The following GOLGA3 variants were observed in gnomAD, a reference collection of about 807,000 sequenced individuals.
The protein encoded by GOLGA3 is golgin A3.
A neutral mutation model predicts 169.4 loss-of-function variants in GOLGA3; 75 were observed. The ratio of observed to expected loss-of-function variants is 0.44; its 90% confidence interval spans 0.37 to 0.54. The LOEUF (loss-of-function observed/expected upper bound fraction) is 0.54. Among genes scored for constraint, GOLGA3 ranks in the 20% least tolerant of loss-of-function variants. GOLGA3 has a pLI of 0.00. For synonymous variants in GOLGA3, 824 were observed against 822.4 expected (o/e 1.00, Z -0.03); for missense variants, 1,899 against 1,930.0 (o/e 0.98, Z 0.30).
chr12:132,825,240 C>T (rs1017913983), intron 1 of GOLGA3, among the ~76,000 whole-genome samples: 3 of 151,924 alleles, frequency 2.0e-5, no homozygotes, highest in Non-Finnish European at 2.9e-5. Context: ...AAGGAACCGA[C>T]GGTGTGTGCC....
At position 132,798,343 on chromosome 12, in the gene GOLGA3, A is replaced by G. The variant is rs773176812; in HGVS notation, c.1935T>C (p.Ile645=). The G allele has an allele frequency of 3.1e-6, 5 of 1,607,718 alleles. No individual in the cohort carries two copies. The highest frequency in any genetic ancestry group is 8.5e-7 in the Non-Finnish European group (1 of 1,178,380). ...KGRIAAQLQG[I]EADMLDQEAA... Reference sequence around the variant, plus strand: ...ACGGCCCCGGCCGCAGCCTCACCTCAATGCCCTGCAGCTGTGCCGCGATGC... The same window carrying G: ...ACGGCCCCGGCCGCAGCCTCACCTCGATGCCCTGCAGCTGTGCCGCGATGC... Residue 645 remains isoleucine, a synonymous_variant, in exon 9 of 24, where the codon ATT becomes ATC. Transcript: ENST00000450791.
At chr12:132,775,930 G>C (rs1292698080) in intron 21 of GOLGA3, among the ~76,000 whole-genome samples, 1 of 152,262 alleles carries the variant, frequency 6.6e-6, no homozygotes, top group Non-Finnish European at 1.5e-5. Context: ...ATGAAATCAC[G>C]TTCTTGGTCC....
At chr12:132,791,715 C>T (rs1190768683) in intron 11 of GOLGA3, among the ~76,000 whole-genome samples, 1 of 120,770 alleles carries the variant, frequency 8.3e-6, no homozygotes, top group Non-Finnish European at 1.8e-5. Context: ...AGCAGGGGGA[C>T]ACATCTACAC....
Position 132,772,557 on chromosome 12 carries a change from A to AAAAC in GOLGA3, c.*547_*548insGTTT, listed in dbSNP as rs2044954053. ...AGACTCTGTCTCAAAAAAAAAAAAA[A>AAAAC]AAAAAAAACAAAGATTGGATTATGA... On this transcript the variant is annotated 3_prime_UTR_variant, in exon 24 of 24. Transcript: ENST00000450791. 1 of 151,860 alleles carries AAAAC rather than the reference A, an allele frequency of 6.6e-6. No homozygotes were observed. The highest frequency in any genetic ancestry group is 1.5e-5 in the Non-Finnish European group (1 of 67,984). The allele number at this position is 151,860 out of a possible 1,614,324, so 9.4% of individuals were successfully genotyped here.
Position 132,777,889 on chromosome 12 carries a change from T to C in GOLGA3, c.3583-84A>G. 4 of 1,431,528 alleles carry C rather than the reference T, an allele frequency of 2.8e-6. No homozygotes were observed. The highest frequency in any genetic ancestry group is 2.3e-5 in the East Asian group (1 of 42,830). 88.7% of individuals were successfully genotyped at this position (1,431,528 alleles called of 1,614,324 possible). ...TGCCGGGCGCAGGGGGTGAATGCAC[T>C]CCCGGCCCCGTGCATGTCCTGGCTG... is the stretch of plus-strand genomic sequence containing the variant. On this transcript the variant is annotated intron_variant, in intron 18 of 23. Coordinates refer to ENST00000450791, the MANE Select transcript of GOLGA3 (RefSeq NM_001389683.1). This position sits in a 1 kb window ranked among gnomAD's most constrained non-coding sequence, Gnocchi z 4.7.
At position 132,804,726 on chromosome 12, in the gene GOLGA3, C is replaced by T. The variant is rs1267261701; in HGVS notation, c.1587G>A (p.Lys529=). 1.2e-6 allele frequency: 2 copies of T among 1,612,438 alleles called. No individual in the cohort carries two copies. The highest frequency in any genetic ancestry group is 2.7e-5 in the African/African-American group (2 of 75,048). ...CAGGGCCAGCCTCACCTGTGTTGTC[C>T]TTGCTGAGCATGCTCCTCTGCATGT... is the stretch of plus-strand genomic sequence containing the variant. ...VEDMQRSMLS[K]DNTVHDLRQQ... The change falls in exon 7 of 24, where the codon AAG becomes AAA. Residue 529 remains lysine, a synonymous_variant. Transcript: ENST00000450791. The surrounding 1 kb of genome is among the most constrained non-coding windows in gnomAD (Gnocchi z 4.1).
intron 2 of GOLGA3, among the ~76,000 whole-genome samples, chr12:132,821,079 G>A (rs537097654): frequency 1.7e-4 from 18 of 105,990 alleles, no homozygotes; most frequent in South Asian, 1.1e-3. Context: ...CAGCCTGGGC[G>A]ACAGAACAGG....
At chr12:132,809,857 C>T (rs1161681009) in intron 4 of GOLGA3, among the ~76,000 whole-genome samples, 1 of 152,138 alleles carries the variant, frequency 6.6e-6, no homozygotes, top group Non-Finnish European at 1.5e-5. Context: ...TGTCTCTTGC[C>T]TCGGTGCCTG....
chr12:132,775,547 ATTTCCT>A (rs1288170832), intron 21 of GOLGA3, among the ~76,000 whole-genome samples: 11 of 152,126 alleles, frequency 7.2e-5, no homozygotes, highest in Non-Finnish European at 1.2e-4. Flanking sequence ...TCCAATGATC[ATTTCCT>A]TTATCATGTT....
intron 8 of GOLGA3, among the ~76,000 whole-genome samples, chr12:132,799,134 C>A (rs547048199): frequency 6.6e-6 from 1 of 152,184 alleles, no homozygotes; most frequent in Non-Finnish European, 1.5e-5. Context: ...CAGTGCGAGA[C>A]GTGACAGAAG....
intron 11 of GOLGA3, among the ~76,000 whole-genome samples, chr12:132,792,126 G>A (rs1267105149): frequency 2.0e-5 from 3 of 152,216 alleles, no homozygotes; most frequent in Non-Finnish European, 4.4e-5. Flanking sequence ...CTCCAGGAGG[G>A]CACACATCTG....
chr12:132,798,157 C>T (rs1364590528), intron 9 of GOLGA3, among the ~76,000 whole-genome samples, 183 bp downstream of exon 9: 4 of 96,614 alleles, frequency 4.1e-5, no homozygotes, highest in Non-Finnish European at 5.9e-5. Flanking sequence ...ATGCTAAGCC[C>T]CCACAGGTGA....
intron 4 of GOLGA3, among the ~76,000 whole-genome samples, chr12:132,811,392 A>T (rs1220716588): frequency 6.6e-6 from 1 of 152,144 alleles, no homozygotes; most frequent in Non-Finnish European, 1.5e-5. Context: ...CTTATTTCTC[A>T]GTTTATCCTT....
chr12:132,795,912 G>T lies in GOLGA3; in HGVS notation c.2409C>A (p.Thr803=), dbSNP rs773885958. The T allele has an allele frequency of 6.2e-7, 1 of 1,613,992 alleles. No individual in the cohort carries two copies. Among genetic ancestry groups the T allele is most frequent in the Non-Finnish European group, 8.5e-7 (1 of 1,179,986 alleles). The stretch of plus-strand genomic sequence containing the variant: ...TCTCTAAAGTTTCCGACGTTTCCTC[G>T]GTACCTTCTTCCAAGCGTCTTGCTC... The part of the protein sequence containing the change: ...DRGARRLEEG[T]EETSETLEKL... Residue 803 remains threonine, a synonymous_variant, in exon 11 of 24, where the codon ACC becomes ACA. Coordinates refer to ENST00000450791, the MANE Select transcript of GOLGA3 (RefSeq NM_001389683.1).
In GOLGA3 at chr12:132,782,888, A is replaced by G. The variant is rs576830269; in HGVS notation, c.3268-395T>C. Among the ~76,000 whole-genome samples the G allele has an allele frequency of 2.5e-4, 38 of 151,990 alleles. No individual in the cohort carries two copies. The East Asian group carries it at 6.4e-3, about 26-fold the overall frequency. Reference sequence around the variant, plus strand: ...GAGACTCTGTCTCAAAAAAAAAAAAAAAAAGAAAAAGAAAAGAAAAGAAAC... The same window carrying G: ...GAGACTCTGTCTCAAAAAAAAAAAAGAAAAGAAAAAGAAAAGAAAAGAAAC... On this transcript the variant is annotated intron_variant, in intron 16 of 23. Transcript: ENST00000450791.
intron 8 of GOLGA3, among the ~76,000 whole-genome samples, chr12:132,800,119 AG>A (rs749861914): frequency 5.3e-5 from 8 of 152,236 alleles, no homozygotes; most frequent in Non-Finnish European, 1.0e-4. Context: ...GCTGTAAAAA[AG>A]TGTATTAATT....
chr12:132,811,864 A>C (rs1949725207), intron 4 of GOLGA3: 1 of 921,644 alleles, frequency 1.1e-6, no homozygotes, highest in African/African-American at 1.8e-5. Flanking sequence ...AACATGACAT[A>C]GGCTGGGCGC....
At position 132,771,637 on chromosome 12, in the gene GOLGA3, A is replaced by T. The variant is rs1028056457; in HGVS notation, c.*1468T>A. ...TCCGGAAGTCGCCTCTGCTTGCCAC[A>T]TGATGCTGGTGTAACCACAAAAGAT... On this transcript the variant is annotated 3_prime_UTR_variant, in exon 24 of 24. Transcript: ENST00000450791. 6.6e-6 allele frequency: 1 copy of T among 152,076 alleles called. No individual in the cohort carries two copies. Among genetic ancestry groups the T allele is most frequent in the Non-Finnish European group, 1.5e-5 (1 of 68,022 alleles). The allele number at this position is 152,076 out of a possible 1,614,324, so 9.4% of individuals were successfully genotyped here.
chr12:132,788,951 A>ACACAGGCCCCGCCCCAGG, intron 13 of GOLGA3, 76 bp downstream of exon 13: 1 of 1,059,284 alleles, frequency 9.4e-7, no homozygotes, highest in Non-Finnish European at 1.3e-6. Context: ...CCCGCCCCAG[A>ACACAGGCCCCGCCCCAGG]CACAGGCCCC....
Sources: gnomAD v4.1 joint callset for allele counts (sites outside exome capture counted in the v4.1 genomes callset) on GRCh38, gnomAD v4.1.1 for gene constraint, Gnocchi (gnomAD v3.1) non-coding constraint, MANE v1.5 for transcripts, NCBI Gene and HGNC (gene_info 2026-07-23, HGNC 2026-07-21) for gene names.